Variants in CTXND1 observed in about 807,000 individuals in gnomAD.
CTXND1 encodes cortexin domain-containing 1 protein.
rs563621553 is a variant in CTXND1, at chr15:80,223,926, T to C, written c.-217-20186A>G. ...GAGGTTGAGTCCATGCGTCCCCCCA[T>C]TGAGCCTGGGTAGGCCTTTGTGACT... On this transcript the variant is annotated intron_variant, in intron 1 of 2. Coordinates refer to ENST00000560778, the MANE Select transcript of CTXND1 (RefSeq NM_001352888.2). Among the ~76,000 whole-genome samples, 79 of 152,270 alleles carry C rather than the reference T, an allele frequency of 5.2e-4. 1 individual carries two copies. In the South Asian group the frequency reaches 7.7e-3, roughly 15 times the overall value.
Position 80,230,930 on chromosome 15 carries a change from C to A in CTXND1, c.-218+21077G>T, listed in dbSNP as rs1008692449. 8.5e-5 allele frequency among the ~76,000 whole-genome samples: 13 copies of A among 152,190 alleles called. 2 individuals are homozygous for A. Among genetic ancestry groups the A allele is most frequent in the Admixed American group, 7.2e-4 (11 of 15,278 alleles). Reference sequence around the variant, plus strand: ...AAAATTAGCCGGGCAGGGTGGCACACACCTGTAGTCCCTGCTACTCAGGAG... The same window carrying A: ...AAAATTAGCCGGGCAGGGTGGCACAAACCTGTAGTCCCTGCTACTCAGGAG... On this transcript the variant is annotated intron_variant, in intron 1 of 2. Coordinates refer to ENST00000560778, the MANE Select transcript of CTXND1 (RefSeq NM_001352888.2).
intron 1 of CTXND1, among the ~76,000 whole-genome samples, chr15:80,210,200 T>C (rs4778762): frequency 0.26 from 39,051 of 152,136 alleles, 5,400 homozygotes; most frequent in Middle Eastern, 0.33. Flanking sequence ...ACCTCCTTAA[T>C]GTTTTTTCTT....
At chr15:80,241,259 A>C (rs1270784751) in intron 1 of CTXND1, among the ~76,000 whole-genome samples, 3 of 152,074 alleles carry the variant, frequency 2.0e-5, no homozygotes, top group Non-Finnish European at 4.4e-5. Flanking sequence ...CTCAGGGAAA[A>C]AGGGGCCCTG....
In CTXND1 at chr15:80,201,453, G is replaced by C. The variant is rs2041448556; in HGVS notation, c.*317C>G. On this transcript the variant is annotated 3_prime_UTR_variant, in exon 3 of 3. Coordinates refer to ENST00000560778, the MANE Select transcript of CTXND1 (RefSeq NM_001352888.2). ...TCTGTTGCTGGATCCAGTTCCAAAA[G>C]GTGCCCAGGAACCTGGGAAGGTGAC... The C allele has an allele frequency of 4.1e-6, 1 of 243,416 alleles. No individual in the cohort carries two copies. 15.1% of individuals were successfully genotyped at this position (243,416 alleles called of 1,614,324 possible).
chr15:80,249,225 C>T (rs1172914398), intron 1 of CTXND1, among the ~76,000 whole-genome samples: 3 of 152,152 alleles, frequency 2.0e-5, no homozygotes, highest in East Asian at 1.9e-4. Context: ...AGTGCTGAGC[C>T]ACTGTGCCCA....
Position 80,201,835 on chromosome 15 carries a change from C to T in CTXND1, c.115G>A (p.Val39Ile), listed in dbSNP as rs1455637040. The change falls in exon 3 of 3, where the codon GTC (valine) becomes ATC (isoleucine). Residue 39 changes from valine to isoleucine, a missense_variant. Coordinates refer to ENST00000560778, the MANE Select transcript of CTXND1 (RefSeq NM_001352888.2). ...LVVMIIRCAK[V>I]IMDPYSAIPT... ...ATGGCGCTGTAAGGGTCCATGATGA[C>T]CTTGGCACAGCGGATGATCATCACG... The T allele has an allele frequency of 5.0e-6, 2 of 398,846 alleles. No individual in the cohort carries two copies. Among genetic ancestry groups the T allele is most frequent in the Non-Finnish European group, 8.8e-6 (2 of 226,176 alleles). The allele number at this position is 398,846 out of a possible 1,614,324, so 24.7% of individuals were successfully genotyped here.
intron 1 of CTXND1, among the ~76,000 whole-genome samples, chr15:80,241,451 G>C (rs41460547): frequency 0.28 from 41,840 of 152,036 alleles, 6,606 homozygotes; most frequent in East Asian, 0.59. Context: ...CTTTCAGGAC[G>C]ACCTTCAAGT....
chr15:80,245,892 G>T (rs552333096), intron 1 of CTXND1, among the ~76,000 whole-genome samples: 1 of 152,182 alleles, frequency 6.6e-6, no homozygotes, highest in East Asian at 1.9e-4. Context: ...CAAGCCTCAT[G>T]AACACAATTT....
intron 2 of CTXND1, among the ~76,000 whole-genome samples, chr15:80,202,992 C>G (rs1893102117): frequency 6.6e-6 from 1 of 152,208 alleles, no homozygotes; most frequent in Non-Finnish European, 1.5e-5. Flanking sequence ...TCCTAATTTC[C>G]TCCCTGCTGA....
At chr15:80,228,908 G>T (rs185811053) in intron 1 of CTXND1, among the ~76,000 whole-genome samples, 15 of 146,102 alleles carry the variant, frequency 1.0e-4, no homozygotes, top group African/African-American at 3.6e-4. Context: ...GATTACAGGC[G>T]TGAGCCACGG....
chr15:80,245,268 T>C (rs1338830101), intron 1 of CTXND1, among the ~76,000 whole-genome samples: 1 of 152,186 alleles, frequency 6.6e-6, no homozygotes, highest in East Asian at 1.9e-4. Context: ...CCAACCAGCC[T>C]CACCAGGCAC....
chr15:80,218,608 C>T (rs1893278707), intron 1 of CTXND1, among the ~76,000 whole-genome samples: 1 of 151,822 alleles, frequency 6.6e-6, no homozygotes, highest in South Asian at 2.1e-4. Context: ...TTTTACCTTT[C>T]TTCTCAATAT....
intron 1 of CTXND1, among the ~76,000 whole-genome samples, chr15:80,210,921 G>C (rs1047142046): frequency 1.3e-5 from 2 of 152,152 alleles, no homozygotes; most frequent in African/African-American, 4.8e-5. Flanking sequence ...GAGTCTTCTT[G>C]TAAAGCCACC....
At chr15:80,230,884 C>T (rs1269053570) in intron 1 of CTXND1, among the ~76,000 whole-genome samples, 1 of 151,920 alleles carries the variant, frequency 6.6e-6, no homozygotes, top group African/African-American at 2.4e-5. Context: ...ATGTTGAAAC[C>T]CCATCTCTAC....
At chr15:80,251,015 T>C (rs1193064444) in intron 1 of CTXND1, among the ~76,000 whole-genome samples, 3 of 152,134 alleles carry the variant, frequency 2.0e-5, no homozygotes, top group Non-Finnish European at 4.4e-5. Flanking sequence ...GAAACTCGAA[T>C]CCTCTGATTA....
At chr15:80,218,878 A>G (rs1371246687) in intron 1 of CTXND1, among the ~76,000 whole-genome samples, 1 of 151,098 alleles carries the variant, frequency 6.6e-6, no homozygotes, top group Non-Finnish European at 1.5e-5. Flanking sequence ...ATATTTTTAT[A>G]TTTTTATTAT....
intron 1 of CTXND1, among the ~76,000 whole-genome samples, chr15:80,221,054 A>G (rs545378428): frequency 1.3e-3 from 197 of 151,644 alleles, no homozygotes; most frequent in Middle Eastern, 6.8e-3. Context: ...GACTACAGGC[A>G]CCCGCCACCA....
chr15:80,208,696 T>C (rs560657043), intron 1 of CTXND1, among the ~76,000 whole-genome samples: 1 of 152,338 alleles, frequency 6.6e-6, no homozygotes, highest in Admixed American at 6.5e-5. Context: ...ACTTTGGACA[T>C]CCACAAAACC....
intron 1 of CTXND1, among the ~76,000 whole-genome samples, chr15:80,217,174 T>TCA (rs1893262848): frequency 6.6e-6 from 1 of 152,132 alleles, no homozygotes; most frequent in South Asian, 2.1e-4. Context: ...AAGCTGAACC[T>TCA]CACTTCTGCT....
Sources: gnomAD v4.1 joint callset for allele counts (sites outside exome capture counted in the v4.1 genomes callset) on GRCh38, gnomAD v4.1.1 for gene constraint, MANE v1.5 for transcripts, NCBI Gene and HGNC (gene_info 2026-07-23, HGNC 2026-07-21) for gene names.